Variants in TENM2 observed in about 807,000 individuals in gnomAD.
TENM2 encodes the protein teneurin transmembrane protein 2, also known as teneurin-2.
In TENM2, 52 loss-of-function variants were observed where a neutral mutation model predicts 245.2. That is an observed-to-expected ratio of 0.21 (90% confidence interval 0.17 to 0.27). The LOEUF is 0.27. Ranked by LOEUF, TENM2 falls within the 10% of genes least tolerant of loss-of-function variation. TENM2 has a pLI of 1.00. For missense variants in TENM2, 3,046 were observed against 3,666.8 expected (o/e 0.83, Z 4.37); for synonymous variants, 1,363 against 1,438.9 (o/e 0.95, Z 1.19).
At chr5:167,579,657 T>TG (rs1774949134) in intron 2 of TENM2, among the ~76,000 whole-genome samples, 1 of 152,190 alleles carries the variant, frequency 6.6e-6, no homozygotes, top group African/African-American at 2.4e-5. Context: ...CTCTAATTTT[T>TG]GTGTGTGTGA....
At chr5:168,147,190 C>T (rs932679051) in intron 12 of TENM2, among the ~76,000 whole-genome samples, 2 of 152,230 alleles carry the variant, frequency 1.3e-5, no homozygotes, top group South Asian at 2.1e-4. Flanking sequence ...AGTTAGCGTT[C>T]TCGCAGCAAC....
chr5:167,820,466 C>A (rs1767429855), intron 2 of TENM2, among the ~76,000 whole-genome samples: 1 of 152,142 alleles, frequency 6.6e-6, no homozygotes, highest in Non-Finnish European at 1.5e-5. Context: ...TTGAGTGGTA[C>A]TTTTGAAACT....
chr5:167,906,402 G>A (rs2151546149), intron 3 of TENM2, among the ~76,000 whole-genome samples: 1 of 152,260 alleles, frequency 6.6e-6, no homozygotes, highest in East Asian at 1.9e-4. Flanking sequence ...GCCGCACCAG[G>A]GAGCTGACAA....
At chr5:167,130,805 A>G in the TENM2 span, among the ~76,000 whole-genome samples, 1 of 151,406 alleles carries the variant, frequency 6.6e-6, no homozygotes, top group South Asian at 2.1e-4. Context: ...ACTTAGACAC[A>G]TAGGATTTGT....
rs116419221 is a variant in TENM2, at chr5:167,806,780, T to C, written c.503-69206T>C. ...TGGTTTCTTAGGGTGAAAGAATACA[T>C]ATTAAAATGAGTCAATAGAAGATAC... On this transcript the variant is annotated intron_variant, in intron 2 of 28. Coordinates refer to ENST00000518659, the Ensembl canonical transcript of TENM2. Among the ~76,000 whole-genome samples, 745 of 152,100 alleles carry C rather than the reference T, an allele frequency of 4.9e-3. 3 individuals are homozygous for C. The highest frequency in any genetic ancestry group is 0.017 in the African/African-American group (724 of 41,504).
intron 7 of TENM2, among the ~76,000 whole-genome samples, chr5:168,089,784 T>C (rs1792764056): frequency 6.6e-6 from 1 of 152,196 alleles, no homozygotes; most frequent in African/African-American, 2.4e-5. Flanking sequence ...TCAGGGTTTC[T>C]TCAAGAATTG....
intron 3 of TENM2, 96 bp from the exon 6 acceptor site, chr5:167,952,492 T>TA: frequency 9.6e-7 from 1 of 1,042,602 alleles, no homozygotes; most frequent in Non-Finnish European, 1.4e-6. Flanking sequence ...ATTGTCAGCT[T>TA]AGAGACTTTG....
At chr5:167,368,906 A>C (rs1380223554) in intron 1 of TENM2, among the ~76,000 whole-genome samples, 2 of 152,078 alleles carry the variant, frequency 1.3e-5, no homozygotes, top group Non-Finnish European at 2.9e-5. Flanking sequence ...AATTATATTT[A>C]ACATTTAGCC....
At chr5:167,675,509 A>G (rs1756256364) in intron 2 of TENM2, among the ~76,000 whole-genome samples, 1 of 152,130 alleles carries the variant, frequency 6.6e-6, no homozygotes, top group South Asian at 2.1e-4. Context: ...ACGTGTCACC[A>G]GGACTGCCTG....
the TENM2 span, among the ~76,000 whole-genome samples, chr5:167,098,382 T>A: frequency 6.6e-6 from 1 of 152,144 alleles, no homozygotes; most frequent in Admixed American, 6.5e-5. Flanking sequence ...TTTTGAGTGG[T>A]CAGCAAGTCT....
the TENM2 span, among the ~76,000 whole-genome samples, chr5:167,220,467 A>G: frequency 6.6e-6 from 1 of 152,208 alleles, no homozygotes; most frequent in African/African-American, 2.4e-5. Flanking sequence ...ACAAGGACAT[A>G]GCTCATTTTA....
At chr5:167,779,756 T>C (rs187997109) in intron 2 of TENM2, among the ~76,000 whole-genome samples, 9 of 152,236 alleles carry the variant, frequency 5.9e-5, no homozygotes, top group Non-Finnish European at 1.5e-5. Context: ...AAAGGCTTTC[T>C]GTAACATTTT....
chr5:166,980,506 C>G, the TENM2 span, among the ~76,000 whole-genome samples: 2 of 152,162 alleles, frequency 1.3e-5, no homozygotes, highest in Non-Finnish European at 2.9e-5. Flanking sequence ...TACAACAGCT[C>G]TTTAATGCAT....
At chr5:168,232,737 C>A (rs1374106467) in intron 25 of TENM2, among the ~76,000 whole-genome samples, 1 of 152,166 alleles carries the variant, frequency 6.6e-6, no homozygotes, top group Non-Finnish European at 1.5e-5. Flanking sequence ...ACCTAGGTAC[C>A]CTTTCTTCCC....
At chr5:167,901,675 T>C (rs1775714890) in intron 3 of TENM2, among the ~76,000 whole-genome samples, 1 of 152,196 alleles carries the variant, frequency 6.6e-6, no homozygotes, top group African/African-American at 2.4e-5. Flanking sequence ...AAATAATAGT[T>C]ATTGATATTA....
chr5:168,085,055 T>G (rs2152218827), intron 7 of TENM2, among the ~76,000 whole-genome samples: 1 of 152,348 alleles, frequency 6.6e-6, no homozygotes, highest in Non-Finnish European at 1.5e-5. Flanking sequence ...AAATCCTTGC[T>G]TGGCCACCAA....
the TENM2 span, among the ~76,000 whole-genome samples, chr5:167,061,803 G>A: frequency 1.3e-5 from 2 of 151,492 alleles, no homozygotes; most frequent in African/African-American, 4.9e-5. Flanking sequence ...CACAGACAAT[G>A]TGTTTCAATT....
chr5:167,910,506 A>G (rs969544686), intron 3 of TENM2, among the ~76,000 whole-genome samples: 1 of 152,226 alleles, frequency 6.6e-6, no homozygotes, highest in African/African-American at 2.4e-5. Context: ...GGAAAAAAGA[A>G]AACAAAAAAA....
At chr5:167,466,964 C>A (rs1015484878) in intron 2 of TENM2, among the ~76,000 whole-genome samples, 5 of 152,136 alleles carry the variant, frequency 3.3e-5, no homozygotes, top group African/African-American at 1.2e-4. Context: ...TCAAGGCATG[C>A]AGCATACAAC....
Sources: allele counts gnomAD v4.1 joint callset (sites outside exome capture counted in the v4.1 genomes callset), GRCh38; gene constraint gnomAD v4.1.1; transcripts MANE v1.5; gene names NCBI Gene and HGNC (gene_info 2026-07-23, HGNC 2026-07-21).